Variants in FREM1 observed in about 807,000 individuals in gnomAD.
FREM1 encodes FRAS1-related extracellular matrix protein 1.
Under a neutral mutation model 210.1 loss-of-function variants are expected in FREM1, and 220 were observed. That is an observed-to-expected ratio of 1.05 (90% CI 0.94 to 1.17). The LOEUF is 1.17. Among genes scored for constraint, FREM1 ranks in the 50% most tolerant of loss-of-function variants. The pLI is 0.00. For missense variants in FREM1, 3,454 were observed against 2,675.5 expected (o/e 1.29, Z -6.42); for synonymous variants, 1,189 against 980.2 (o/e 1.21, Z -3.98).
At chr9:14,807,049 T>C (rs1818499634) in intron 17 of FREM1, among the ~76,000 whole-genome samples, 1 of 152,182 alleles carries the variant, frequency 6.6e-6, no homozygotes, top group African/African-American at 2.4e-5. Context: ...TACTTTGACC[T>C]ATGGAATTAT....
In FREM1 at chr9:14,789,111, C is replaced by A; in HGVS notation, c.3985G>T (p.Gly1329Trp). The A allele has an allele frequency of 1.3e-6, 2 of 1,580,696 alleles. No individual in the cohort carries two copies. The highest frequency in any genetic ancestry group is 1.7e-6 in the Non-Finnish European group (2 of 1,161,958). The change falls in exon 23 of 37, where the codon GGG (glycine) becomes TGG (tryptophan). Residue 1329 changes from glycine (G) to tryptophan (W), a missense_variant. By Grantham distance (184) the Gly-to-Trp change is radical. Coordinates refer to ENST00000380880, the MANE Select transcript of FREM1 (RefSeq NM_001379081.2). Reference sequence around the variant, plus strand: ...GGGGAGAGAGGAACCCAGTCCCTCCCTATCTGGAAGGAGCCAGAGTTAGTC... The same window carrying A: ...GGGGAGAGAGGAACCCAGTCCCTCCATATCTGGAAGGAGCCAGAGTTAGTC... ...PQNGQLQLKI[G>W]RDWVPLSPGM... is the part of the protein sequence containing the mutation.
intron 2 of FREM1, among the ~76,000 whole-genome samples, chr9:14,867,129 G>A (rs1180358839): frequency 6.6e-6 from 1 of 152,082 alleles, no homozygotes; most frequent in African/African-American, 2.4e-5. Flanking sequence ...CAAAGTACTG[G>A]AATTACAGGC....
At chr9:14,806,605 T>G in intron 18 of FREM1, 56 bp downstream of exon 18, 1 of 1,029,166 alleles carries the variant, frequency 9.7e-7, no homozygotes, top group South Asian at 1.4e-5. Flanking sequence ...ACCTGGCCAA[T>G]CGCTTCCATA....
chr9:14,879,453 T>A (rs1834391199), intron 1 of FREM1, among the ~76,000 whole-genome samples: 1 of 152,160 alleles, frequency 6.6e-6, no homozygotes, highest in African/African-American at 2.4e-5. Context: ...TCCATCACTG[T>A]TTGTTTCATT....
intron 19 of FREM1, among the ~76,000 whole-genome samples, chr9:14,803,222 TTCTC>T (rs1007050416): frequency 9.3e-6 from 1 of 107,504 alleles, no homozygotes; most frequent in South Asian, 3.4e-4. Flanking sequence ...TCTCTTTTCT[TTCTC>T]TTTCTTTCTC....
At chr9:14,804,706 G>A (rs914496949) in intron 19 of FREM1, among the ~76,000 whole-genome samples, 4 of 152,282 alleles carry the variant, frequency 2.6e-5, no homozygotes, top group Middle Eastern at 6.8e-3. Flanking sequence ...GGTAGGTATC[G>A]ATGGAATCAT....
At position 14,759,906 on chromosome 9, in the gene FREM1, G is replaced by C. The variant is rs769999328; in HGVS notation, c.5205-5C>G. 1.9e-6 allele frequency: 3 copies of C among 1,605,416 alleles called. No individual in the cohort carries two copies. The South Asian group carries it at 3.4e-5, about 18-fold the overall frequency. ...TGAGACCACTTCAGTTCCAAACTGT[G>C]TGTGAAAGGAAAAGAGAAATCATGA... On this transcript the variant is annotated splice_polypyrimidine_tract_variant and splice_region_variant and intron_variant, in intron 27 of 36. Coordinates refer to ENST00000380880, the MANE Select transcript of FREM1 (RefSeq NM_001379081.2).
chr9:14,817,981 G>A (rs1284402238), intron 14 of FREM1, among the ~76,000 whole-genome samples: 1 of 152,178 alleles, frequency 6.6e-6, no homozygotes, highest in Non-Finnish European at 1.5e-5. Context: ...CACATCCAAA[G>A]GATGACTGGA....
At chr9:14,890,690 A>G (rs933516963) in intron 1 of FREM1, among the ~76,000 whole-genome samples, 3 of 152,240 alleles carry the variant, frequency 2.0e-5, no homozygotes, top group Non-Finnish European at 4.4e-5. Flanking sequence ...AGTCTACTTC[A>G]GAAATTCAAA....
chr9:14,759,743 C>A, intron 28 of FREM1, 29 bp downstream of exon 28: 1 of 1,535,074 alleles, frequency 6.5e-7, no homozygotes, highest in Non-Finnish European at 8.8e-7. Flanking sequence ...TAAGTTTTAG[C>A]TTGATAATTT....
intron 13 of FREM1, among the ~76,000 whole-genome samples, chr9:14,822,746 T>A (rs898459919): frequency 6.6e-6 from 1 of 152,132 alleles, no homozygotes; most frequent in African/African-American, 2.4e-5. Context: ...TCCATCTTGA[T>A]TCATTTTGGA....
At chr9:14,824,207 T>C (rs1472364745) in intron 11 of FREM1, 92 bp from the exon 12 acceptor site, 4 of 758,546 alleles carry the variant, frequency 5.3e-6, no homozygotes, top group Non-Finnish European at 9.0e-6. Context: ...AAGACTTCAT[T>C]GTGAGAAGAA....
At chr9:14,866,903 A>G (rs1343501002) in intron 2 of FREM1, among the ~76,000 whole-genome samples, 1 of 151,562 alleles carries the variant, frequency 6.6e-6, no homozygotes, top group Non-Finnish European at 1.5e-5. Context: ...ACTATCACCC[A>G]GGCTGGAGTG....
chr9:14,826,485 G>C (rs1055835165), intron 10 of FREM1, among the ~76,000 whole-genome samples: 5 of 152,134 alleles, frequency 3.3e-5, no homozygotes, highest in African/African-American at 9.7e-5. Context: ...CACACTTCTA[G>C]AATGCTTTCC....
intron 5 of FREM1, among the ~76,000 whole-genome samples, chr9:14,856,835 CA>C (rs754857691): frequency 0.25 from 19,233 of 78,122 alleles, 1,030 homozygotes; most frequent in Middle Eastern, 0.36. Context: ...GACTCCGTCT[CA>C]AAAAAAAAAA....
intron 7 of FREM1, 48 bp from the exon 8 acceptor site, chr9:14,846,139 G>C: frequency 6.9e-7 from 1 of 1,459,290 alleles, no homozygotes; most frequent in Non-Finnish European, 9.4e-7. Flanking sequence ...ACTGGATAAA[G>C]AAAATGAGGC....
chr9:14,762,626 G>C (rs1017100778), intron 27 of FREM1, among the ~76,000 whole-genome samples: 1 of 151,856 alleles, frequency 6.6e-6, no homozygotes, highest in Non-Finnish European at 1.5e-5. Context: ...AAAATTATTC[G>C]CTACAAATAA....
chr9:14,825,005 T>A lies in FREM1; in HGVS notation c.1882-13A>T. 6.4e-7 allele frequency: 1 copy of A among 1,552,288 alleles called. No individual in the cohort carries two copies. The highest frequency in any genetic ancestry group is 8.6e-7 in the Non-Finnish European group (1 of 1,156,418). ...GGATTGTTGCCACCTGGAATAAAAA[T>A]GTCTGTACCATTAATTTGAAATACC... is the stretch of plus-strand genomic sequence containing the variant. On this transcript the variant is annotated splice_polypyrimidine_tract_variant and intron_variant, in intron 10 of 36. Transcript: ENST00000380880.
At chr9:14,818,532 T>C (rs1361440011) in intron 14 of FREM1, among the ~76,000 whole-genome samples, 7 of 152,150 alleles carry the variant, frequency 4.6e-5, no homozygotes, top group African/African-American at 1.7e-4. Flanking sequence ...GAGAAGTGAG[T>C]GTGTGGGTCT....
Sources: allele counts gnomAD v4.1 joint callset (sites outside exome capture counted in the v4.1 genomes callset), GRCh38; gene constraint gnomAD v4.1.1; transcripts MANE v1.5; gene names NCBI Gene and HGNC (gene_info 2026-07-23, HGNC 2026-07-21).